The following ARHGAP10 variants were observed in gnomAD, a reference collection of about 807,000 sequenced individuals.
ARHGAP10 encodes the protein Rho GTPase activating protein 10.
Under a neutral mutation model 108.6 loss-of-function variants are expected in ARHGAP10, and 87 were observed. The observed-to-expected ratio is 0.80, with a 90% CI of 0.67 to 0.96. ARHGAP10 has a LOEUF of 0.96. Among genes scored for constraint, ARHGAP10 ranks in the 40% least tolerant of loss-of-function variants. The probability of loss-of-function intolerance (pLI) is 0.00; values close to 1 mark genes in which losing one functional copy is unlikely to be tolerated. For missense variants in ARHGAP10, 939 were observed against 954.5 expected, an observed-to-expected ratio of 0.98 and a Z score of 0.21; for synonymous variants, 347 against 341.1, an observed-to-expected ratio of 1.02 and a Z score of -0.19.
rs190953786 is a variant in ARHGAP10 at position 147,841,512 on chromosome 4, G to A, written c.313-5639G>A. 4.6e-5 allele frequency among the ~76,000 whole-genome samples: 7 copies of A among 152,266 alleles called. No individual in the cohort carries two copies. The East Asian group carries it at 1.3e-3, about 29-fold the overall frequency. ...ACAGTCCTAGATTTGGTATTCATTT[G>A]TTGCTGGGGAAGAAGGATCATGTTT... On this transcript the variant is annotated intron_variant, in intron 3 of 22. Coordinates refer to ENST00000336498, the MANE Select transcript of ARHGAP10 (RefSeq NM_024605.4).
chr4:147,866,615 A>G (rs1734573898), intron 6 of ARHGAP10, 97 bp from the exon 7 acceptor site: 1 of 801,824 alleles, frequency 1.2e-6, no homozygotes, highest in African/African-American at 1.7e-5. Flanking sequence ...CAGTGGAATA[A>G]CAGTGAGATG....
intron 9 of ARHGAP10, among the ~76,000 whole-genome samples, chr4:147,881,455 T>G (rs890867829): frequency 1.3e-5 from 2 of 152,124 alleles, no homozygotes; most frequent in African/African-American, 4.8e-5. Flanking sequence ...CTGGCCAACA[T>G]GGTGAAACCC....
At chr4:147,881,470 TC>T (rs895940468) in intron 9 of ARHGAP10, among the ~76,000 whole-genome samples, 7 of 152,096 alleles carry the variant, frequency 4.6e-5, no homozygotes, top group Non-Finnish European at 1.0e-4. Context: ...AAACCCTGTT[TC>T]TACTGAAAAT....
chr4:147,964,797 A>G (rs751227306), intron 16 of ARHGAP10, among the ~76,000 whole-genome samples: 14 of 152,188 alleles, frequency 9.2e-5, no homozygotes, highest in Non-Finnish European at 2.1e-4. Flanking sequence ...TTGCAGCCAC[A>G]CTGAAATTAC....
rs1578721214 is a variant in ARHGAP10 at position 147,947,199 on chromosome 4, A to C, written c.1391+495A>C. Reference sequence around the variant, plus strand: ...AGAAAACATTTAGGACTAGAGTTAGAGGGTAGCATTTTTTTATGAGTCACT... The same window carrying C: ...AGAAAACATTTAGGACTAGAGTTAGCGGGTAGCATTTTTTTATGAGTCACT... On this transcript the variant is annotated intron_variant, in intron 15 of 22. Transcript: ENST00000336498. Among the ~76,000 whole-genome samples, 4 of 149,848 alleles carry C rather than the reference A, an allele frequency of 2.7e-5. No homozygotes were observed. The East Asian group carries it at 7.9e-4, about 29-fold the overall frequency.
intron 10 of ARHGAP10, among the ~76,000 whole-genome samples, chr4:147,904,624 T>G (rs896491246): frequency 5.3e-5 from 8 of 152,184 alleles, no homozygotes; most frequent in African/African-American, 1.9e-4. Context: ...CTTAATCCAG[T>G]CTATCGTTGT....
At chr4:147,820,083 A>C (rs1027418234) in intron 1 of ARHGAP10, among the ~76,000 whole-genome samples, 2 of 152,112 alleles carry the variant, frequency 1.3e-5, no homozygotes, top group Non-Finnish European at 2.9e-5. Context: ...TATCCTAGGA[A>C]GGCTGAGGTG....
At chr4:147,969,446 G>A (rs554435274) in intron 18 of ARHGAP10, among the ~76,000 whole-genome samples, 50 of 149,722 alleles carry the variant, frequency 3.3e-4, no homozygotes, top group African/African-American at 1.2e-3. Context: ...ATGGAAAGAT[G>A]GCTACTGTTC....
At chr4:147,955,435 AAATTTC>A in intron 16 of ARHGAP10, 61 bp downstream of exon 16, 1 of 1,418,852 alleles carries the variant, frequency 7.0e-7, no homozygotes, top group Non-Finnish European at 9.7e-7. Flanking sequence ...CATAAACGAA[AAATTTC>A]CATATGAAAA....
At chr4:148,035,710 T>C (rs1192730070) in intron 19 of ARHGAP10, among the ~76,000 whole-genome samples, 1 of 152,212 alleles carries the variant, frequency 6.6e-6, no homozygotes, top group African/African-American at 2.4e-5. Flanking sequence ...GCGGCAGTTA[T>C]AACCTGCATC....
intron 20 of ARHGAP10, among the ~76,000 whole-genome samples, chr4:148,049,462 C>T (rs147984109): frequency 3.9e-5 from 6 of 152,208 alleles, no homozygotes; most frequent in Non-Finnish European, 8.8e-5. Flanking sequence ...GCTGTCCTCC[C>T]AGTAGCCGGT....
At chr4:147,799,725 T>A (rs537970699) in intron 1 of ARHGAP10, among the ~76,000 whole-genome samples, 50 of 152,366 alleles carry the variant, frequency 3.3e-4, no homozygotes, top group African/African-American at 1.2e-3. Context: ...GAATTTATAA[T>A]TGATTATTGA....
At chr4:147,963,093 C>T (rs957126464) in intron 16 of ARHGAP10, among the ~76,000 whole-genome samples, 5 of 152,174 alleles carry the variant, frequency 3.3e-5, no homozygotes, top group South Asian at 2.1e-4. Flanking sequence ...CTATTCATAT[C>T]GCTTTCTTGC....
chr4:148,014,146 T>C (rs1447189038), intron 18 of ARHGAP10, among the ~76,000 whole-genome samples: 3 of 152,250 alleles, frequency 2.0e-5, no homozygotes, highest in African/African-American at 7.2e-5. Flanking sequence ...ATAGAGTATA[T>C]TTTATTAATG....
At chr4:147,775,954 A>G (rs183505643) in intron 1 of ARHGAP10, among the ~76,000 whole-genome samples, 1 of 152,318 alleles carries the variant, frequency 6.6e-6, no homozygotes, top group East Asian at 1.9e-4. Flanking sequence ...AGGCATAGAA[A>G]AGTTCCGTAA....
At chr4:147,952,847 T>C (rs999873723) in intron 15 of ARHGAP10, among the ~76,000 whole-genome samples, 4 of 151,988 alleles carry the variant, frequency 2.6e-5, no homozygotes, top group African/African-American at 7.2e-5. Context: ...TCACAAAGGT[T>C]TTCTTTTTTT....
At chr4:147,989,625 T>C (rs1740189454) in intron 18 of ARHGAP10, among the ~76,000 whole-genome samples, 2 of 152,256 alleles carry the variant, frequency 1.3e-5, no homozygotes, top group African/African-American at 4.8e-5. Context: ...AATATGGCTC[T>C]GTTCTGCCCA....
intron 20 of ARHGAP10, among the ~76,000 whole-genome samples, chr4:148,058,760 A>G (rs891572891): frequency 6.6e-6 from 1 of 152,230 alleles, no homozygotes; most frequent in African/African-American, 2.4e-5. Flanking sequence ...AAGTAACCAC[A>G]TATACAGCAC....
chr4:147,869,090 A>G (rs1051181238), intron 7 of ARHGAP10, among the ~76,000 whole-genome samples: 1 of 152,174 alleles, frequency 6.6e-6, no homozygotes, highest in Non-Finnish European at 1.5e-5. Context: ...AACTTCTAGA[A>G]TCAAGGTAAA....
Sources: gnomAD v4.1 joint callset for allele counts (sites outside exome capture counted in the v4.1 genomes callset) on GRCh38, gnomAD v4.1.1 for gene constraint, MANE v1.5 for transcripts, NCBI Gene and HGNC (gene_info 2026-07-23, HGNC 2026-07-21) for gene names.